The following FGGY variants were observed in gnomAD, a reference collection of about 807,000 sequenced individuals.
FGGY encodes FGGY carbohydrate kinase domain-containing protein.
Under a neutral mutation model 71.3 loss-of-function variants are expected in FGGY, and 72 were observed. The observed-to-expected ratio is 1.01, with a 90% CI of 0.84 to 1.23. FGGY has a LOEUF of 1.23. Ranked by LOEUF, FGGY falls within the 50% of genes most tolerant of loss-of-function variation. The probability of loss-of-function intolerance (pLI) is 0.00; values close to 1 mark genes in which losing one functional copy is unlikely to be tolerated. For synonymous variants in FGGY, 251 were observed against 250.3 expected, an observed-to-expected ratio of 1.00 and a Z score of -0.02; for missense variants, 668 against 682.3, an observed-to-expected ratio of 0.98 and a Z score of 0.23.
intron 5 of FGGY, among the ~76,000 whole-genome samples, chr1:59,388,745 A>T (rs2060366017): frequency 6.6e-6 from 1 of 152,104 alleles, no homozygotes. Flanking sequence ...ATTTTTGCAG[A>T]TTACATTACT....
intron 5 of FGGY, among the ~76,000 whole-genome samples, chr1:59,413,852 T>C (rs926154506): frequency 6.6e-6 from 1 of 152,156 alleles, no homozygotes; most frequent in Admixed American, 6.5e-5. Context: ...TCCCATCTCC[T>C]TGGGAGGCTG....
intron 1 of FGGY, among the ~76,000 whole-genome samples, chr1:59,304,046 AT>A (rs2043119082): frequency 2.6e-5 from 4 of 151,830 alleles, no homozygotes. Flanking sequence ...TTGCTTTTTC[AT>A]TTTCTCGATT....
At chr1:59,736,018 G>A (rs11587468) in intron 14 of FGGY, among the ~76,000 whole-genome samples, 3,930 of 152,192 alleles carry the variant, frequency 0.026, 89 homozygotes, top group African/African-American at 0.06. Flanking sequence ...AATCATGGGG[G>A]CAGGTCTTTC....
At chr1:59,312,380 T>A (rs1177073899) in intron 1 of FGGY, among the ~76,000 whole-genome samples, 1 of 152,198 alleles carries the variant, frequency 6.6e-6, no homozygotes, top group Non-Finnish European at 1.5e-5. Flanking sequence ...CTTTCAACAT[T>A]TCAGTTTCCT....
In FGGY at chr1:59,312,096, G is replaced by A. The variant is rs112920097; in HGVS notation, c.-14-9440G>A. On this transcript the variant is annotated intron_variant, in intron 1 of 15. Transcript: ENST00000303721. ...TATCCTTTGCCCACTTTTTGATGGG[G>A]TTGTTTCTTTTTGTCTTGCAAATTT... Among the ~76,000 whole-genome samples, 335 of 152,276 alleles carry A rather than the reference G, an allele frequency of 2.2e-3. 1 individual carries two copies. The highest frequency in any genetic ancestry group is 7.8e-3 in the African/African-American group (324 of 41,574).
chr1:59,378,895 A>T, intron 5 of FGGY, 58 bp downstream of exon 5: 3 of 1,403,488 alleles, frequency 2.1e-6, no homozygotes, highest in Non-Finnish European at 3.0e-6. Context: ...ATGTCTGTCT[A>T]TATATTGCTT....
intron 1 of FGGY, among the ~76,000 whole-genome samples, chr1:59,298,163 T>G (rs1250113198): frequency 6.6e-6 from 1 of 152,256 alleles, no homozygotes; most frequent in Admixed American, 6.5e-5. Context: ...ATTTTTTTCC[T>G]TTTTAACTTG....
intron 4 of FGGY, among the ~76,000 whole-genome samples, chr1:59,355,962 A>G (rs1478418134): frequency 6.6e-6 from 1 of 152,180 alleles, no homozygotes; most frequent in East Asian, 1.9e-4. Flanking sequence ...TCCAATATTT[A>G]AAAATTGAGA....
intron 8 of FGGY, among the ~76,000 whole-genome samples, chr1:59,578,896 G>A (rs1392776084): frequency 6.6e-6 from 1 of 152,072 alleles, no homozygotes; most frequent in Non-Finnish European, 1.5e-5. Context: ...TTAAGAATGG[G>A]AGGGGGAGAG....
chr1:59,709,227 A>T (rs779211821), intron 14 of FGGY, among the ~76,000 whole-genome samples: 1 of 152,192 alleles, frequency 6.6e-6, no homozygotes, highest in Non-Finnish European at 1.5e-5. Context: ...ACTTACAATC[A>T]TGGTGGAAGG....
At chr1:59,344,681 A>G (rs1312044670) in intron 3 of FGGY, among the ~76,000 whole-genome samples, 3 of 152,148 alleles carry the variant, frequency 2.0e-5, no homozygotes, top group African/African-American at 4.8e-5. Flanking sequence ...CGTATAACCT[A>G]TGTACGTCTT....
At chr1:59,753,467 AATATATATATATATATAT>A (rs57074120) in intron 14 of FGGY, among the ~76,000 whole-genome samples, 717 of 47,856 alleles carry the variant, frequency 0.015, 27 homozygotes, top group East Asian at 0.057. Context: ...CATAACTTTA[AATATATATATATATATAT>A]ATATATATAT....
At chr1:59,619,740 C>T (rs999382240) in intron 9 of FGGY, among the ~76,000 whole-genome samples, 21 of 151,850 alleles carry the variant, frequency 1.4e-4, no homozygotes, top group Non-Finnish European at 2.6e-4. Flanking sequence ...GAATAATGAG[C>T]GGAGGAGTGA....
At chr1:59,678,726 T>A (rs774180792) in intron 14 of FGGY, among the ~76,000 whole-genome samples, 1 of 152,110 alleles carries the variant, frequency 6.6e-6, no homozygotes, top group Non-Finnish European at 1.5e-5. Flanking sequence ...AAGCTTTAAT[T>A]CCAGCAGTGC....
intron 4 of FGGY, among the ~76,000 whole-genome samples, chr1:59,374,868 T>C (rs1252084484): frequency 8.1e-6 from 1 of 123,184 alleles, no homozygotes; most frequent in Non-Finnish European, 1.6e-5. Flanking sequence ...TGGGAACACA[T>C]GGTCACAGGA....
intron 5 of FGGY, among the ~76,000 whole-genome samples, chr1:59,380,728 C>G (rs2059317916): frequency 6.6e-6 from 1 of 151,508 alleles, no homozygotes; most frequent in African/African-American, 2.5e-5. Context: ...AAAATTTTCT[C>G]CCATTCTGTA....
Position 59,303,306 on chromosome 1 carries a change from C to A in FGGY, c.-15+6156C>A, listed in dbSNP as rs80174103. 1.6e-4 allele frequency among the ~76,000 whole-genome samples: 25 copies of A among 152,274 alleles called. No homozygotes were observed. The East Asian group carries it at 4.4e-3, about 27-fold the overall frequency. On this transcript the variant is annotated intron_variant, in intron 1 of 15. Coordinates refer to ENST00000303721, the MANE Select transcript of FGGY (RefSeq NM_018291.5). ...CTGGTAACCACCATTCTCCTCTCTGCTTTAATGAGTTGGACTTTTTTAGAT... is the reference window on the plus strand; with the variant it reads ...CTGGTAACCACCATTCTCCTCTCTGATTTAATGAGTTGGACTTTTTTAGAT...
intron 9 of FGGY, among the ~76,000 whole-genome samples, chr1:59,624,308 T>C (rs2096837091): frequency 6.6e-6 from 1 of 152,202 alleles, no homozygotes; most frequent in Non-Finnish European, 1.5e-5. Context: ...TTGTCGTTAC[T>C]TTACTGTGAC....
intron 6 of FGGY, among the ~76,000 whole-genome samples, chr1:59,487,443 T>A (rs989285043): frequency 6.6e-6 from 1 of 151,862 alleles, no homozygotes; most frequent in African/African-American, 2.4e-5. Flanking sequence ...AGGGGCCATG[T>A]CCATCTCATT....
Sources: allele counts gnomAD v4.1 joint callset (sites outside exome capture counted in the v4.1 genomes callset), GRCh38; gene constraint gnomAD v4.1.1; transcripts MANE v1.5; gene names NCBI Gene and HGNC (gene_info 2026-07-23, HGNC 2026-07-21).